TMIGD1: variants seen among roughly 807,000 people sequenced by gnomAD.
TMIGD1 encodes transmembrane and immunoglobulin domain-containing protein 1.
TMIGD1 carries 29 observed loss-of-function variants against 27.5 expected under a neutral mutation model. The observed-to-expected ratio is 1.05, with a 90% CI of 0.78 to 1.44. TMIGD1 has a LOEUF of 1.44. TMIGD1 is among the 40% of genes most tolerant of loss of function. TMIGD1 has a pLI of 0.00. For missense variants in TMIGD1, 334 were observed against 310.6 expected, an observed-to-expected ratio of 1.08 and a Z score of -0.57; for synonymous variants, 109 against 110.3, an observed-to-expected ratio of 0.99 and a Z score of 0.07.
chr17:30,333,127 C>T (rs539031019), intron 1 of TMIGD1, among the ~76,000 whole-genome samples: 3 of 152,020 alleles, frequency 2.0e-5, no homozygotes, highest in Non-Finnish European at 4.4e-5. Context: ...ATATTCTTTT[C>T]CTTTAAGAAG....
At chr17:30,332,895 A>G (rs992432844) in intron 1 of TMIGD1, among the ~76,000 whole-genome samples, 2 of 152,168 alleles carry the variant, frequency 1.3e-5, no homozygotes, top group African/African-American at 4.8e-5. Flanking sequence ...TCTGCGCAAC[A>G]GGGACTGTGC....
intron 2 of TMIGD1, 25 bp downstream of exon 2, chr17:30,332,027 G>A: frequency 6.5e-7 from 1 of 1,541,532 alleles, no homozygotes; most frequent in Non-Finnish European, 8.9e-7. Flanking sequence ...TATCTAAAAA[G>A]AGGCCAAAAA....
chr17:30,331,617 C>T (rs1281055224), intron 2 of TMIGD1, among the ~76,000 whole-genome samples: 2 of 148,656 alleles, frequency 1.3e-5, no homozygotes, highest in Non-Finnish European at 3.0e-5. Flanking sequence ...CGGAGTCTCG[C>T]CCTGTCGCCC....
Position 30,324,860 on chromosome 17 carries a change from G to A in TMIGD1, c.596C>T (p.Ser199Leu). Reference sequence around the variant, plus strand: ...GTCCAAGCTCTCCGTTTTCAGAGATGACTTTGCAATACAACTGTAGGTTCC... The same window carrying A: ...GTCCAAGCTCTCCGTTTTCAGAGATAACTTTGCAATACAACTGTAGGTTCC... ...DNGTYSCIAKSSLKTESLDFH... is the reference protein window; with the variant it reads ...DNGTYSCIAKLSLKTESLDFH... Residue 199 changes from serine to leucine, a missense_variant, in exon 4 of 7, where the codon TCA becomes TTA. Ser to Leu is a moderately radical substitution (Grantham distance 145). Coordinates refer to ENST00000328886, the MANE Select transcript of TMIGD1 (RefSeq NM_206832.3). 6.2e-7 allele frequency: 1 copy of A among 1,614,126 alleles called. No homozygotes were observed. The highest frequency in any genetic ancestry group is 8.5e-7 in the Non-Finnish European group (1 of 1,179,994).
At chr17:30,329,222 C>T (rs765181312) in intron 3 of TMIGD1, 29 bp downstream of exon 3, 5 of 1,606,346 alleles carry the variant, frequency 3.1e-6, no homozygotes, top group Non-Finnish European at 4.3e-6. Flanking sequence ...ATTACAGACC[C>T]ACTAGCTGTT....
intron 3 of TMIGD1, among the ~76,000 whole-genome samples, chr17:30,328,993 A>G (rs892226147): frequency 1.3e-5 from 2 of 149,670 alleles, no homozygotes; most frequent in South Asian, 2.1e-4. Flanking sequence ...GAAAGAAAGA[A>G]AAAAGAAAAA....
At chr17:30,319,169 T>TGA (rs1431948163) in intron 4 of TMIGD1, among the ~76,000 whole-genome samples, 2 of 147,780 alleles carry the variant, frequency 1.4e-5, no homozygotes, top group Non-Finnish European at 3.0e-5. Context: ...TTTGGAAGGT[T>TGA]GAGGCGGGCA....
Position 30,319,249 on chromosome 17 carries a change from G to GAAAAAAAAAA in TMIGD1, c.641-346_641-337dup, listed in dbSNP as rs1201681602. Among the ~76,000 whole-genome samples, 16 of 70,878 alleles carry GAAAAAAAAAA rather than the reference G, an allele frequency of 2.3e-4. 1 individual carries two copies. The highest frequency in any genetic ancestry group is 5.9e-4 in the African/African-American group (7 of 11,922). 46.5% of individuals were successfully genotyped at this position (70,878 alleles called of 152,430 possible). On this transcript the variant is annotated intron_variant, in intron 4 of 6. Transcript: ENST00000328886. ...TGAAACCCCATCTGTAAAAAAAAAA[G>GAAAAAAAAAA]AAAAAAAAAAAAATATATATATATA...
At chr17:30,317,343 G>GCACT in intron 5 of TMIGD1, 110 bp from the exon 6 acceptor site, 1 of 1,180,758 alleles carries the variant, frequency 8.5e-7, no homozygotes, top group Non-Finnish European at 1.3e-6. Context: ...GCACACCTCT[G>GCACT]CACTGGCTCA....
At chr17:30,326,945 G>T (rs1021608977) in intron 3 of TMIGD1, among the ~76,000 whole-genome samples, 4 of 151,674 alleles carry the variant, frequency 2.6e-5, no homozygotes, top group African/African-American at 9.7e-5. Flanking sequence ...GCCTTTGAAG[G>T]GTACATAATA....
chr17:30,333,434 C>T (rs920389507), intron 1 of TMIGD1, among the ~76,000 whole-genome samples: 71 of 151,662 alleles, frequency 4.7e-4, no homozygotes, highest in Admixed American at 4.4e-3. Context: ...GAGTGAGGCT[C>T]GGTCTCAAAA....
chr17:30,317,225 C>T lies in TMIGD1; in HGVS notation c.753G>A (p.Met251Ile), dbSNP rs1237610073. The T allele has an allele frequency of 3.7e-6, 6 of 1,614,048 alleles. No individual in the cohort carries two copies. Among genetic ancestry groups the T allele is most frequent in the Non-Finnish European group, 5.1e-6 (6 of 1,179,980 alleles). Residue 251 changes from methionine (M) to isoleucine (I), a missense_variant, in exon 6 of 7, where the codon ATG (methionine) becomes ATA (isoleucine). Met to Ile is a conservative substitution (Grantham distance 10). Coordinates refer to ENST00000328886, the MANE Select transcript of TMIGD1 (RefSeq NM_206832.3). ...TTTCACTGTGAGGGTCTTTATCCTT[C>T]ATGCAGAGCTAAAAGCAAACATGGC... is the stretch of plus-strand genomic sequence containing the variant. The part of the protein sequence containing the change: ...ARRKKIMKLC[M>I]KDKDPHSETA...
chr17:30,316,504 G>T lies in TMIGD1; in HGVS notation c.*183C>A. On this transcript the variant is annotated 3_prime_UTR_variant, in exon 7 of 7. Coordinates refer to ENST00000328886, the MANE Select transcript of TMIGD1 (RefSeq NM_206832.3). ...AAAATCTTACTTTTCATTCTTAATA[G>T]CTCTTTCCATAAAAATGTTCCACAA... The T allele has an allele frequency of 1.7e-6, 1 of 583,360 alleles. No individual in the cohort carries two copies. Among genetic ancestry groups the T allele is most frequent in the Non-Finnish European group, 3.0e-6 (1 of 334,350 alleles). 36.1% of individuals were successfully genotyped at this position (583,360 alleles called of 1,614,324 possible). A position where few individuals can be genotyped will look rare whatever the true frequency, so the allele number is the denominator to read the frequency against.
chr17:30,324,974 A>G lies in TMIGD1; in HGVS notation c.482T>C (p.Leu161Pro). 6.2e-7 allele frequency: 1 copy of G among 1,614,094 alleles called. No individual in the cohort carries two copies. The highest frequency in any genetic ancestry group is 8.5e-7 in the Non-Finnish European group (1 of 1,179,986). ...GTGACGGCTTTTCTCTAAATCGAGG[A>G]GACTACTGTTTTTGTACCACATCAT... Reference protein sequence around the residue: ...AQMMWYKNSSLLDLEKSRHQI... With the variant: ...AQMMWYKNSSPLDLEKSRHQI... The change falls in exon 4 of 7, where the codon CTC (leucine) becomes CCC (proline). Residue 161 changes from leucine to proline, a missense_variant. Transcript: ENST00000328886.
chr17:30,329,016 G>T lies in TMIGD1; in HGVS notation c.361+235C>A, dbSNP rs577306685. Reference sequence around the variant, plus strand: ...GAAAAAAGAAAAAGAAAAAAGAAAAGAAAAGAGAAAAGAAAAAAAAGAAAA... The same window carrying T: ...GAAAAAAGAAAAAGAAAAAAGAAAATAAAAGAGAAAAGAAAAAAAAGAAAA... On this transcript the variant is annotated intron_variant, in intron 3 of 6. Coordinates refer to ENST00000328886, the MANE Select transcript of TMIGD1 (RefSeq NM_206832.3). Among the ~76,000 whole-genome samples, 54 of 131,630 alleles carry T rather than the reference G, an allele frequency of 4.1e-4. No individual in the cohort carries two copies. The South Asian group carries it at 0.012, about 29-fold the overall frequency. 86.4% of individuals were successfully genotyped at this position (131,630 alleles called of 152,430 possible). A position where few individuals can be genotyped will look rare whatever the true frequency, so the allele number is the denominator to read the frequency against.
At chr17:30,333,978 A>G (rs1043234925) in intron 1 of TMIGD1, 22 bp downstream of exon 1, 1 of 152,252 alleles carries the variant, frequency 6.6e-6, no homozygotes, top group African/African-American at 2.4e-5. Context: ...TACTTTCTAT[A>G]TAAGACAGTC....
chr17:30,326,936 C>A (rs1244849559), intron 3 of TMIGD1, among the ~76,000 whole-genome samples: 1 of 151,990 alleles, frequency 6.6e-6, no homozygotes, highest in Non-Finnish European at 1.5e-5. Flanking sequence ...AATGGTCCTG[C>A]CTTTGAAGGG....
intron 1 of TMIGD1, among the ~76,000 whole-genome samples, chr17:30,333,380 G>A (rs1407069536): frequency 1.3e-5 from 2 of 151,964 alleles, no homozygotes; most frequent in African/African-American, 4.8e-5. Context: ...GGTGGAGGTT[G>A]CAGTGAGCCA....
chr17:30,331,415 A>G lies in TMIGD1; in HGVS notation c.82+637T>C, dbSNP rs1006665390. Among the ~76,000 whole-genome samples, 7 of 152,088 alleles carry G rather than the reference A, an allele frequency of 4.6e-5. No homozygotes were observed. In the East Asian group the frequency reaches 1.4e-3, roughly 29 times the overall value. ...TGGTAGGAGAGCAAATGCTGGAAAG[A>G]TTTTCATGTGAAATGGTATGTTCAG... On this transcript the variant is annotated intron_variant, in intron 2 of 6. Coordinates refer to ENST00000328886, the MANE Select transcript of TMIGD1 (RefSeq NM_206832.3).
Sources: allele counts gnomAD v4.1 joint callset (sites outside exome capture counted in the v4.1 genomes callset), GRCh38; gene constraint gnomAD v4.1.1; transcripts MANE v1.5; gene names NCBI Gene and HGNC (gene_info 2026-07-23, HGNC 2026-07-21).